Variants in CCDC92B observed in about 807,000 individuals in gnomAD.
The protein encoded by CCDC92B is coiled-coil domain containing 92B.
In CCDC92B, 2 loss-of-function variants were observed where a neutral mutation model predicts 5.6. The ratio of observed to expected loss-of-function variants is 0.36; its 90% CI spans 0.15 to 1.12. The LOEUF is 1.12. CCDC92B is among the 50% of genes most tolerant of loss of function. The pLI is 0.40. For synonymous variants in CCDC92B, 115 were observed against 122.3 expected, an observed-to-expected ratio of 0.94 and a Z score of 0.39; for missense variants, 271 against 262.2, an observed-to-expected ratio of 1.03 and a Z score of -0.23.
intron 2 of CCDC92B, among the ~76,000 whole-genome samples, chr17:2,733,009 T>C (rs1314832704): frequency 1.4e-5 from 2 of 147,492 alleles, no homozygotes; most frequent in African/African-American, 5.0e-5. Flanking sequence ...CAAGACCCTG[T>C]CTCAAAATAA....
intron 3 of CCDC92B, among the ~76,000 whole-genome samples, chr17:2,726,087 A>G (rs2070725771): frequency 7.1e-6 from 1 of 141,474 alleles, no homozygotes; most frequent in Admixed American, 7.8e-5. Flanking sequence ...CCTTAGCCTT[A>G]CGGGTTCAAG....
intron 3 of CCDC92B, 101 bp downstream of exon 3, chr17:2,730,345 T>C: frequency 3.2e-6 from 2 of 627,734 alleles, no homozygotes; most frequent in Non-Finnish European, 4.0e-6. Flanking sequence ...TATCCCCAAG[T>C]CTAGGCTGGG....
At chr17:2,731,341 C>T (rs1264863585) in intron 2 of CCDC92B, among the ~76,000 whole-genome samples, 1 of 152,140 alleles carries the variant, frequency 6.6e-6, no homozygotes, top group Admixed American at 6.5e-5. Flanking sequence ...AGCCCCACCC[C>T]CACTCCCCCA....
intron 1 of CCDC92B, among the ~76,000 whole-genome samples, chr17:2,739,914 C>T (rs977697804): frequency 1.1e-4 from 16 of 151,904 alleles, no homozygotes; most frequent in African/African-American, 3.4e-4. Flanking sequence ...AACACGGTAA[C>T]GAACACAGTG....
chr17:2,733,065 G>GT (rs1438222234), intron 2 of CCDC92B, among the ~76,000 whole-genome samples: 2 of 146,676 alleles, frequency 1.4e-5, no homozygotes, highest in South Asian at 2.1e-4. Context: ...TAAATAACTA[G>GT]TAAAAAAAAA....
chr17:2,725,211 TA>T (rs1317458681), intron 3 of CCDC92B, among the ~76,000 whole-genome samples: 1 of 151,074 alleles, frequency 6.6e-6, no homozygotes, highest in Non-Finnish European at 1.5e-5. Flanking sequence ...CAGTCTCTAC[TA>T]AAAATACAAA....
rs1176261401 is a variant in CCDC92B, at chr17:2,749,546, T to G, written c.-159A>C. On this transcript the variant is annotated 5_prime_UTR_variant, in exon 1 of 4. Transcript: ENST00000614400. ...CCCCGGCTGCGGCGCCATCAGCTGC[T>G]GGGAGGCTGCGGGGCAGTCGGGCCG... 1 of 133,632 alleles carries G rather than the reference T, an allele frequency of 7.5e-6. No homozygotes were observed. Among genetic ancestry groups the G allele is most frequent in the African/African-American group, 2.9e-5 (1 of 34,596 alleles). 8.3% of individuals were successfully genotyped at this position (133,632 alleles called of 1,614,324 possible).
chr17:2,749,083 G>C (rs573220346), intron 1 of CCDC92B, among the ~76,000 whole-genome samples: 10 of 152,312 alleles, frequency 6.6e-5, no homozygotes, highest in Admixed American at 2.6e-4. Flanking sequence ...AGGGGTTGGG[G>C]GGGGGATGTG....
At chr17:2,731,546 T>C (rs1320282214) in intron 2 of CCDC92B, among the ~76,000 whole-genome samples, 1 of 152,142 alleles carries the variant, frequency 6.6e-6, no homozygotes, top group Non-Finnish European at 1.5e-5. Flanking sequence ...AGCAGCGCCT[T>C]CAGGGGCCTT....
intron 1 of CCDC92B, among the ~76,000 whole-genome samples, chr17:2,743,911 T>C (rs2070953699): frequency 6.6e-6 from 1 of 152,186 alleles, no homozygotes; most frequent in Non-Finnish European, 1.5e-5. Flanking sequence ...GGAGTCTGGC[T>C]CTGTTGCCCA....
At chr17:2,727,214 T>C (rs2070739969) in intron 3 of CCDC92B, among the ~76,000 whole-genome samples, 1 of 152,210 alleles carries the variant, frequency 6.6e-6, no homozygotes, top group African/African-American at 2.4e-5. Context: ...ACTTGTTTAT[T>C]GTTGGCCTTT....
intron 1 of CCDC92B, chr17:2,748,339 A>T (rs2071012220): frequency 6.1e-6 from 6 of 979,228 alleles, no homozygotes; most frequent in Non-Finnish European, 7.3e-6. Flanking sequence ...ACCAAGATGG[A>T]ACGACTCTCT....
chr17:2,736,346 G>C (rs1057510101), intron 1 of CCDC92B, among the ~76,000 whole-genome samples: 1 of 152,128 alleles, frequency 6.6e-6, no homozygotes, highest in African/African-American at 2.4e-5. Flanking sequence ...AGAATGGCTT[G>C]AACCCGGGAG....
intron 3 of CCDC92B, among the ~76,000 whole-genome samples, chr17:2,728,260 G>C (rs1302948129): frequency 6.7e-6 from 1 of 149,556 alleles, no homozygotes. Context: ...AGAGGTTGCA[G>C]TGAGCAGAGA....
At chr17:2,737,321 A>G (rs1017581646) in intron 1 of CCDC92B, among the ~76,000 whole-genome samples, 3 of 151,988 alleles carry the variant, frequency 2.0e-5, no homozygotes, top group Admixed American at 2.0e-4. Context: ...GCTTACATGT[A>G]AGACTCAGAA....
rs970976201 is a variant in CCDC92B at position 2,724,457 on chromosome 17, G to A, written c.722C>T (p.Pro241Leu). ...PPQEPPDRAG[P>L]QPAPSQPSAP... ...GCTGGGCTGGCTGGGCGCGGGCTGC[G>A]GGCCGGCTCGGTCCGGGGGCTCCTG... Residue 241 changes from proline (P) to leucine (L), a missense_variant, in exon 4 of 4, where the codon CCG (proline) becomes CTG (leucine). Transcript: ENST00000614400. This position sits in a 1 kb window ranked among gnomAD's most constrained non-coding sequence, Gnocchi z 5.0. 13 of 983,628 alleles carry A rather than the reference G, an allele frequency of 1.3e-5. No homozygotes were observed. The highest frequency in any genetic ancestry group is 5.3e-5 in the African/African-American group (3 of 56,898). 60.9% of individuals were successfully genotyped at this position (983,628 alleles called of 1,614,324 possible).
intron 2 of CCDC92B, 69 bp from the exon 3 acceptor site, chr17:2,730,562 T>TGTGTGTGTGTGAGA (rs1278680807): frequency 7.5e-6 from 2 of 265,644 alleles, no homozygotes; most frequent in Non-Finnish European, 1.1e-5. Flanking sequence ...TGTGTGTGTG[T>TGTGTGTGTGTGAGA]GAGAGAGAGA....
At chr17:2,727,853 A>G (rs186752828) in intron 3 of CCDC92B, among the ~76,000 whole-genome samples, 384 of 150,704 alleles carry the variant, frequency 2.5e-3, no homozygotes, top group Non-Finnish European at 3.7e-3. Flanking sequence ...GAGGACAAAG[A>G]AAGTTCTTAA....
At chr17:2,748,297 G>T in intron 1 of CCDC92B, 3 of 1,176,576 alleles carry the variant, frequency 2.5e-6, no homozygotes, top group Non-Finnish European at 3.4e-6. Flanking sequence ...GCTCTGATGT[G>T]ACTTTTACCA....
Sources: allele counts gnomAD v4.1 joint callset (sites outside exome capture counted in the v4.1 genomes callset), GRCh38; gene constraint gnomAD v4.1.1; non-coding constraint Gnocchi (gnomAD v3.1); transcripts MANE v1.5; gene names NCBI Gene and HGNC (gene_info 2026-07-23, HGNC 2026-07-21).